The following RARB variants were observed in gnomAD, a reference collection of about 807,000 sequenced individuals.
RARB encodes the protein retinoic acid receptor beta.
In RARB, 17 loss-of-function variants were observed where a neutral mutation model predicts 51.9. The ratio of observed to expected loss-of-function variants is 0.33; its 90% CI spans 0.22 to 0.49. The LOEUF is 0.49. Among genes scored for constraint, RARB ranks in the 20% least tolerant of loss-of-function variants. The pLI, the probability that RARB is intolerant of heterozygous loss-of-function variation, is 0.99. For synonymous variants in RARB, 215 were observed against 195.4 expected, an observed-to-expected ratio of 1.10 and a Z score of -0.84; for missense variants, 369 against 550.8, an observed-to-expected ratio of 0.67 and a Z score of 3.30.
intron 2 of RARB, among the ~76,000 whole-genome samples, chr3:24,921,338 C>T (rs1302717526): frequency 1.3e-5 from 2 of 152,114 alleles, no homozygotes; most frequent in Admixed American, 6.5e-5. Flanking sequence ...TGTATCACTC[C>T]GCTCCTTAAA....
At chr3:25,036,992 G>A (rs1029766142) in intron 2 of RARB, among the ~76,000 whole-genome samples, 2 of 152,170 alleles carry the variant, frequency 1.3e-5, no homozygotes, top group African/African-American at 4.8e-5. Context: ...TATGTGTGAT[G>A]GTTTTATTTC....
chr3:25,238,497 G>C (rs1458425408), intron 5 of RARB, among the ~76,000 whole-genome samples: 1 of 152,224 alleles, frequency 6.6e-6, no homozygotes, highest in East Asian at 1.9e-4. Context: ...TTGATATACT[G>C]ATGTTTTTTC....
At chr3:24,897,566 T>G (rs7617593) in intron 2 of RARB, among the ~76,000 whole-genome samples, 111,660 of 152,078 alleles carry the variant, frequency 0.73, 42,076 homozygotes, top group African/African-American at 0.89. Flanking sequence ...ATAAAAAACT[T>G]GAAGCTATAT....
rs574747169 is a variant in RARB at position 24,852,099 on chromosome 3, A to AT, written c.-458-6568dup. On this transcript the variant is annotated intron_variant, in intron 1 of 11. Transcript: ENST00000383772. The stretch of plus-strand genomic sequence containing the variant: ...GGAAATTTTAAGTTTTCTGAACCTA[A>AT]TTTTTTTGTTTATAAACTATAGATG... Among the ~76,000 whole-genome samples, 345 of 152,246 alleles carry AT rather than the reference A, an allele frequency of 2.3e-3. 2 individuals carry two copies. The highest frequency in any genetic ancestry group is 6.8e-3 in the Middle Eastern group (2 of 294).
intron 5 of RARB, among the ~76,000 whole-genome samples, chr3:25,302,893 C>A (rs1023955665): frequency 6.6e-6 from 1 of 152,182 alleles, no homozygotes; most frequent in Non-Finnish European, 1.5e-5. Context: ...AAGTGCTATT[C>A]CCCATTTGTC....
intron 2 of RARB, among the ~76,000 whole-genome samples, chr3:25,008,575 A>G (rs1233599252): frequency 6.6e-6 from 1 of 152,144 alleles, no homozygotes; most frequent in African/African-American, 2.4e-5. Context: ...GGCTCACCTC[A>G]GTAAGATTTT....
At chr3:25,364,126 C>T (rs983631421) in intron 5 of RARB, among the ~76,000 whole-genome samples, 1 of 151,986 alleles carries the variant, frequency 6.6e-6, no homozygotes, top group African/African-American at 2.4e-5. Flanking sequence ...TTTATCTATT[C>T]TTTTTTTGTT....
rs753321842 is a variant in RARB at position 25,500,454 on chromosome 3, G to GTTTTTTTTTTTTTTTTTTTTTTTTTTT, written c.307-727_307-701dup. The stretch of plus-strand genomic sequence containing the variant: ...ATAATTTCTTTTTCTTTCTTTTCTT[G>GTTTTTTTTTTTTTTTTTTTTTTTTTTT]TTTTTTTTTTTTTTTTTTTTTTTTT... On this transcript the variant is annotated intron_variant, in intron 2 of 7. Coordinates refer to ENST00000330688, the MANE Select transcript of RARB (RefSeq NM_000965.5). 7.1e-4 allele frequency among the ~76,000 whole-genome samples: 47 copies of GTTTTTTTTTTTTTTTTTTTTTTTTTTT among 66,138 alleles called. 5 individuals are homozygous for GTTTTTTTTTTTTTTTTTTTTTTTTTTT. The highest frequency in any genetic ancestry group is 1.4e-3 in the Admixed American group (7 of 5,026). The allele number at this position is 66,138 out of a possible 152,430, so 43.4% of individuals were successfully genotyped here. A position where few individuals can be genotyped will look rare whatever the true frequency, so the allele number is the denominator to read the frequency against.
intron 3 of RARB, among the ~76,000 whole-genome samples, chr3:25,086,396 G>A (rs567338798): frequency 2.4e-4 from 36 of 152,282 alleles, no homozygotes; most frequent in African/African-American, 7.5e-4. Flanking sequence ...ATTTGCTAAC[G>A]TAAGAAGGTG....
chr3:24,927,826 A>G (rs1018509762), intron 2 of RARB, among the ~76,000 whole-genome samples: 2 of 151,976 alleles, frequency 1.3e-5, no homozygotes, highest in Non-Finnish European at 2.9e-5. Flanking sequence ...GGTGCTAGAA[A>G]TTTTTCATGT....
intron 2 of RARB, among the ~76,000 whole-genome samples, chr3:24,864,347 T>A (rs1367150245): frequency 1.3e-5 from 2 of 152,226 alleles, no homozygotes; most frequent in African/African-American, 4.8e-5. Flanking sequence ...GTTGTTCCTT[T>A]GCGTTTTTTC....
chr3:25,260,388 A>C (rs1013842405), intron 5 of RARB, among the ~76,000 whole-genome samples: 1 of 152,170 alleles, frequency 6.6e-6, no homozygotes, highest in Non-Finnish European at 1.5e-5. Flanking sequence ...CCTACCATGC[A>C]TACAAAAACC....
chr3:24,882,229 A>G (rs1365354995), intron 2 of RARB, among the ~76,000 whole-genome samples: 1 of 152,186 alleles, frequency 6.6e-6, no homozygotes, highest in Non-Finnish European at 1.5e-5. Flanking sequence ...GTTGAGTTAC[A>G]TTAAACATAA....
intron 5 of RARB, among the ~76,000 whole-genome samples, chr3:25,220,525 C>T (rs1701924692): frequency 6.6e-6 from 1 of 152,180 alleles, no homozygotes; most frequent in Non-Finnish European, 1.5e-5. Flanking sequence ...GGAGAGACCA[C>T]ACGGAGGTAA....
intron 5 of RARB, among the ~76,000 whole-genome samples, chr3:25,411,702 G>T (rs1707566685): frequency 6.6e-6 from 1 of 152,200 alleles, no homozygotes; most frequent in Non-Finnish European, 1.5e-5. Flanking sequence ...CAAGGCCAAA[G>T]AACCTGCCCT....
chr3:25,264,583 A>T (rs559799335), intron 5 of RARB, among the ~76,000 whole-genome samples: 1 of 152,304 alleles, frequency 6.6e-6, no homozygotes, highest in East Asian at 1.9e-4. Context: ...AATTTTATAC[A>T]AATACCTTTA....
intron 4 of RARB, among the ~76,000 whole-genome samples, chr3:25,159,420 C>T (rs907452853): frequency 6.6e-6 from 1 of 150,400 alleles, no homozygotes; most frequent in Non-Finnish European, 1.5e-5. Flanking sequence ...CCACCCCCCC[C>T]GCTCCCCCTC....
At chr3:25,308,305 A>G (rs933494804) in intron 5 of RARB, among the ~76,000 whole-genome samples, 2 of 152,202 alleles carry the variant, frequency 1.3e-5, no homozygotes, top group African/African-American at 4.8e-5. Flanking sequence ...GCAAGTACAA[A>G]TCTATCTCCT....
At chr3:25,292,568 G>A (rs1417976415) in intron 5 of RARB, among the ~76,000 whole-genome samples, 1 of 152,200 alleles carries the variant, frequency 6.6e-6, no homozygotes, top group Non-Finnish European at 1.5e-5. Context: ...AAACAAGAGA[G>A]AGCTTGCGTT....
Sources: allele counts gnomAD v4.1 joint callset (sites outside exome capture counted in the v4.1 genomes callset), GRCh38; gene constraint gnomAD v4.1.1; transcripts MANE v1.5; gene names NCBI Gene and HGNC (gene_info 2026-07-23, HGNC 2026-07-21).